Variants in TBC1D22A observed in about 807,000 individuals in gnomAD.
TBC1D22A encodes the protein putative GTPase activator.
A neutral mutation model predicts 60.2 loss-of-function variants in TBC1D22A; 38 were observed. The ratio of observed to expected loss-of-function variants is 0.63; its 90% CI spans 0.49 to 0.83. The LOEUF is 0.83. Ranked by LOEUF, TBC1D22A falls within the 40% of genes least tolerant of loss-of-function variation. TBC1D22A has a pLI of 0.00. For synonymous variants in TBC1D22A, 302 were observed against 281.7 expected (o/e 1.07, Z -0.72); for missense variants, 628 against 701.0 (o/e 0.90, Z 1.18).
intron 8 of TBC1D22A, among the ~76,000 whole-genome samples, chr22:46,951,571 A>G (rs1180161751): frequency 6.6e-6 from 1 of 152,216 alleles, no homozygotes; most frequent in Non-Finnish European, 1.5e-5. Context: ...CTGTCACTGC[A>G]GCCGGCGCCA....
chr22:46,983,035 T>A (rs997319881), intron 9 of TBC1D22A, among the ~76,000 whole-genome samples: 1 of 152,230 alleles, frequency 6.6e-6, no homozygotes, highest in African/African-American at 2.4e-5. Context: ...GCACTTGTAG[T>A]CATCGGGTCT....
chr22:46,977,033 C>T (rs928370953), intron 9 of TBC1D22A, among the ~76,000 whole-genome samples: 4 of 152,108 alleles, frequency 2.6e-5, no homozygotes, highest in Non-Finnish European at 4.4e-5. Context: ...TGGGCATTCC[C>T]GGGACAGGTT....
chr22:46,997,680 T>C lies in TBC1D22A; in HGVS notation c.1172T>C (p.Met391Thr). The C allele has an allele frequency of 6.2e-7, 1 of 1,614,062 alleles. No homozygotes were observed. Among genetic ancestry groups the C allele is most frequent in the Non-Finnish European group, 8.5e-7 (1 of 1,180,018 alleles). Residue 391 changes from methionine to threonine, a missense_variant, in exon 10 of 13, where the codon ATG becomes ACG. Met to Thr is a moderately conservative substitution (Grantham distance 81, BLOSUM62 -1). Transcript: ENST00000337137. ...AQPGIQMKVK[M>T]LEELVSRIDE... Reference sequence around the variant, plus strand: ...CCTGGGATTCAAATGAAAGTGAAAATGTTAGAAGAACTCGTGAGCCGGATT... The same window carrying C: ...CCTGGGATTCAAATGAAAGTGAAAACGTTAGAAGAACTCGTGAGCCGGATT...
chr22:46,950,501 G>T (rs1460490663), intron 8 of TBC1D22A, among the ~76,000 whole-genome samples: 1 of 152,162 alleles, frequency 6.6e-6, no homozygotes, highest in Non-Finnish European at 1.5e-5. Context: ...TGGAATGCTG[G>T]ACTGTCCTTT....
At chr22:46,851,897 C>T (rs2087295263) in intron 4 of TBC1D22A, among the ~76,000 whole-genome samples, 1 of 152,184 alleles carries the variant, frequency 6.6e-6, no homozygotes, top group Non-Finnish European at 1.5e-5. Flanking sequence ...CAAAGTAGGG[C>T]ACATTAAGAG....
rs756651394 is a variant in TBC1D22A at position 46,793,489 on chromosome 22, T to C, written c.120-12T>C. The C allele has an allele frequency of 8.1e-6, 13 of 1,613,594 alleles. No homozygotes were observed. The South Asian group carries it at 1.3e-4, about 16-fold the overall frequency. ...CGAGCATGTACGAGTAAAGACTGCCTTTGCATTGCAGTTTGCTCAGGTCCA... is the reference window on the plus strand; with the variant it reads ...CGAGCATGTACGAGTAAAGACTGCCCTTGCATTGCAGTTTGCTCAGGTCCA... On this transcript the variant is annotated splice_polypyrimidine_tract_variant and intron_variant, in intron 2 of 12. Transcript: ENST00000337137.
chr22:46,912,030 C>T (rs368455421), intron 7 of TBC1D22A, 44 bp from the exon 8 acceptor site: 148 of 1,352,216 alleles, frequency 1.1e-4, no homozygotes, highest in Non-Finnish European at 1.4e-4. Flanking sequence ...AAAGTTTCTG[C>T]CATGTTTACT....
intron 11 of TBC1D22A, among the ~76,000 whole-genome samples, chr22:47,075,156 G>C (rs1280774823): frequency 6.7e-6 from 1 of 149,070 alleles, no homozygotes; most frequent in Non-Finnish European, 1.5e-5. Context: ...CAGGGAGGCG[G>C]AGCTTGCAGT....
chr22:46,879,311 G>GT (rs2067732756), intron 5 of TBC1D22A, among the ~76,000 whole-genome samples: 1 of 83,898 alleles, frequency 1.2e-5, no homozygotes, highest in South Asian at 2.9e-4. Flanking sequence ...GGGGTAGGCG[G>GT]TGGTGACATC....
intron 8 of TBC1D22A, among the ~76,000 whole-genome samples, chr22:46,968,772 C>G (rs980426229): frequency 1.3e-5 from 2 of 152,202 alleles, no homozygotes; most frequent in Admixed American, 6.5e-5. Context: ...AAAGAGGGGC[C>G]AAGAATTTCT....
At chr22:46,789,970 CAA>C (rs142199353) in intron 1 of TBC1D22A, among the ~76,000 whole-genome samples, 13,386 of 152,292 alleles carry the variant, frequency 0.088, 688 homozygotes, top group Non-Finnish European at 0.11. Context: ...GGAAAGGACA[CAA>C]GAGTGGCTCA....
At chr22:47,069,892 C>G (rs960090574) in intron 11 of TBC1D22A, among the ~76,000 whole-genome samples, 36 of 144,130 alleles carry the variant, frequency 2.5e-4, no homozygotes, top group African/African-American at 9.8e-4. Context: ...TGGAGCGGAG[C>G]TGACTTGACG....
rs1477174977 is a variant in TBC1D22A at position 46,870,042 on chromosome 22, A to G, written c.638-8611A>G. Among the ~76,000 whole-genome samples the G allele has an allele frequency of 2.0e-5, 3 of 152,258 alleles. No homozygotes were observed. In the East Asian group the frequency reaches 5.8e-4, roughly 29 times the overall value. On this transcript the variant is annotated intron_variant, in intron 4 of 12. Transcript: ENST00000337137. ...TAACTGCATCTGTCAGCATAACAGA[A>G]GCGTGCTCTTGGATTTGTACATTAT...
chr22:47,096,313 C>T (rs1185263579), intron 11 of TBC1D22A, among the ~76,000 whole-genome samples: 1 of 152,158 alleles, frequency 6.6e-6, no homozygotes, highest in African/African-American at 2.4e-5. Context: ...GGCCTCTCAC[C>T]TGATCCACTG....
chr22:47,033,979 G>A (rs7292662), intron 10 of TBC1D22A, among the ~76,000 whole-genome samples: 11,946 of 152,212 alleles, frequency 0.078, 919 homozygotes, highest in African/African-American at 0.2. Context: ...TCTGTCCCCC[G>A]AGGGATGAGC....
At chr22:47,097,764 T>A (rs1327928045) in intron 11 of TBC1D22A, among the ~76,000 whole-genome samples, 1 of 152,252 alleles carries the variant, frequency 6.6e-6, no homozygotes, top group African/African-American at 2.4e-5. Flanking sequence ...AACTTTTACA[T>A]CATTTCCAAA....
intron 11 of TBC1D22A, among the ~76,000 whole-genome samples, chr22:47,110,164 A>G (rs1371254196): frequency 6.6e-6 from 1 of 152,120 alleles, no homozygotes; most frequent in Non-Finnish European, 1.5e-5. Flanking sequence ...TTTACCTGGA[A>G]TATTTCTCTG....
intron 8 of TBC1D22A, chr22:46,915,422 G>A: frequency 2.2e-6 from 1 of 456,640 alleles, no homozygotes; most frequent in Non-Finnish European, 4.4e-6. Flanking sequence ...GGATTCTGTG[G>A]TTTCGACACC....
rs2068587133 is a variant in TBC1D22A, at chr22:47,173,957, A to T, written c.*331A>T. ...TGCCCCTAGTCCGGGGCAGCCTAGGAGGCCGACCCTCTTTGGAGTCCTGCT... is the reference window on the plus strand; with the variant it reads ...TGCCCCTAGTCCGGGGCAGCCTAGGTGGCCGACCCTCTTTGGAGTCCTGCT... On this transcript the variant is annotated 3_prime_UTR_variant, in exon 13 of 13. Coordinates refer to ENST00000337137, the MANE Select transcript of TBC1D22A (RefSeq NM_014346.5). The T allele has an allele frequency of 3.9e-6, 1 of 253,988 alleles. No homozygotes were observed. Among genetic ancestry groups the T allele is most frequent in the South Asian group, 5.6e-5 (1 of 17,772 alleles). 15.7% of individuals were successfully genotyped at this position (253,988 alleles called of 1,614,324 possible).
Sources: allele counts gnomAD v4.1 joint callset (sites outside exome capture counted in the v4.1 genomes callset), GRCh38; gene constraint gnomAD v4.1.1; transcripts MANE v1.5; gene names NCBI Gene and HGNC (gene_info 2026-07-23, HGNC 2026-07-21).